The following PTPRK variants were observed in gnomAD, a reference collection of about 807,000 sequenced individuals.
The protein encoded by PTPRK is receptor-type tyrosine-protein phosphatase kappa.
A neutral mutation model predicts 178.0 loss-of-function variants in PTPRK; 75 were observed. The observed-to-expected ratio is 0.42, with a 90% CI of 0.35 to 0.51. The LOEUF is 0.51. Ranked by LOEUF, PTPRK falls within the 20% of genes least tolerant of loss-of-function variation. The pLI is 0.02. For synonymous variants in PTPRK, 637 were observed against 620.6 expected, an observed-to-expected ratio of 1.03 and a Z score of -0.39; for missense variants, 1,441 against 1,797.8, an observed-to-expected ratio of 0.80 and a Z score of 3.59.
chr6:128,463,271 A>T (rs1194388712), intron 1 of PTPRK, among the ~76,000 whole-genome samples: 2 of 152,148 alleles, frequency 1.3e-5, no homozygotes, highest in African/African-American at 4.8e-5. Context: ...TTTGTCCTAT[A>T]TTCTCTCTGC....
At chr6:128,393,973 G>A (rs1050828849) in intron 2 of PTPRK, among the ~76,000 whole-genome samples, 2 of 152,074 alleles carry the variant, frequency 1.3e-5, no homozygotes, top group African/African-American at 4.8e-5. Context: ...ATCATCACCA[G>A]CATCTGGAAG....
At chr6:128,404,663 T>C (rs1268318569) in intron 1 of PTPRK, among the ~76,000 whole-genome samples, 1 of 152,216 alleles carries the variant, frequency 6.6e-6, no homozygotes, top group Non-Finnish European at 1.5e-5. Flanking sequence ...CCAATAAGTA[T>C]GTGACTTCAT....
At chr6:128,420,035 G>A (rs1199585388) in intron 1 of PTPRK, among the ~76,000 whole-genome samples, 4 of 152,138 alleles carry the variant, frequency 2.6e-5, no homozygotes, top group Admixed American at 6.5e-5. Context: ...ATAATCATGC[G>A]TAACACTGAA....
chr6:128,168,645 T>C (rs947404891), intron 7 of PTPRK, among the ~76,000 whole-genome samples: 15 of 151,946 alleles, frequency 9.9e-5, no homozygotes, highest in South Asian at 4.1e-4. Flanking sequence ...TTTAAATAGG[T>C]TGTGTGCTCC....
intron 1 of PTPRK, among the ~76,000 whole-genome samples, chr6:128,401,154 G>A (rs1840962430): frequency 6.6e-6 from 1 of 152,040 alleles, no homozygotes; most frequent in South Asian, 2.1e-4. Context: ...TCACCGAAAT[G>A]GTCTGTTTCT....
chr6:128,293,852 C>A (rs1823808284), intron 3 of PTPRK, among the ~76,000 whole-genome samples: 1 of 151,986 alleles, frequency 6.6e-6, no homozygotes, highest in Non-Finnish European at 1.5e-5. Context: ...AATTCAGGTG[C>A]AAAAAGCACA....
rs528950495 is a variant in PTPRK, at chr6:128,480,939, G to A, written c.100+39320C>T. 4.6e-5 allele frequency among the ~76,000 whole-genome samples: 7 copies of A among 152,198 alleles called. 1 individual carries two copies. In the South Asian group the frequency reaches 1.2e-3, roughly 27 times the overall value. ...CCAAATTCACTTCTCTTTACCCAGT[G>A]CTATAATCCCTCTTCCTTAAGTCAT... On this transcript the variant is annotated intron_variant, in intron 1 of 29. Transcript: ENST00000368226.
rs1303321344 is a variant in PTPRK, at chr6:128,186,971, CTAATT to C, written c.869-2251_869-2247del. On this transcript the variant is annotated intron_variant, in intron 6 of 29. Transcript: ENST00000368226. ...TCATTCCAGATGGCTCATATACTAA[CTAATT>C]TAAGTTGGAAAGAATGCTAAATTCA... is the stretch of plus-strand genomic sequence containing the variant. Among the ~76,000 whole-genome samples the C allele has an allele frequency of 2.6e-5, 4 of 152,230 alleles. No homozygotes were observed. In the South Asian group the frequency reaches 8.3e-4, roughly 32 times the overall value.
intron 1 of PTPRK, among the ~76,000 whole-genome samples, chr6:128,470,908 T>C (rs1850562512): frequency 6.7e-6 from 1 of 149,424 alleles, no homozygotes; most frequent in Admixed American, 6.6e-5. Context: ...AATTTCTTTC[T>C]TCCTTTTTTT....
intron 3 of PTPRK, among the ~76,000 whole-genome samples, chr6:128,279,330 A>C (rs1821316718): frequency 6.6e-6 from 1 of 152,196 alleles, no homozygotes; most frequent in South Asian, 2.1e-4. Context: ...CAGCCCCTAG[A>C]TTAAGAGAAG....
At chr6:127,992,735 T>C in intron 18 of PTPRK, 26 bp from the exon 19 acceptor site, 1 of 1,521,346 alleles carries the variant, frequency 6.6e-7, no homozygotes, top group Non-Finnish European at 8.9e-7. Context: ...AAATTAGTTA[T>C]CATTTTACAT....
intron 6 of PTPRK, among the ~76,000 whole-genome samples, chr6:128,204,562 G>A (rs531293624): frequency 8.0e-5 from 12 of 150,920 alleles, no homozygotes; most frequent in South Asian, 2.1e-4. Flanking sequence ...GAACTTAAGC[G>A]AATTTACAAG....
intron 7 of PTPRK, among the ~76,000 whole-genome samples, chr6:128,115,147 C>T (rs1230717781): frequency 6.6e-6 from 1 of 152,064 alleles, no homozygotes; most frequent in Non-Finnish European, 1.5e-5. Flanking sequence ...CTGGACTGCA[C>T]CCAGCACCAT....
intron 7 of PTPRK, among the ~76,000 whole-genome samples, chr6:128,109,664 C>T (rs1337474384): frequency 6.6e-6 from 1 of 152,176 alleles, no homozygotes; most frequent in Non-Finnish European, 1.5e-5. Flanking sequence ...ATACCTAGAG[C>T]TCAGTGAACT....
chr6:128,362,959 C>T (rs2128343211), intron 2 of PTPRK, among the ~76,000 whole-genome samples: 1 of 152,156 alleles, frequency 6.6e-6, no homozygotes, highest in Admixed American at 6.5e-5. Flanking sequence ...GAAATAGGTC[C>T]TCATGAACTG....
At chr6:127,993,115 T>C (rs894361228) in intron 18 of PTPRK, among the ~76,000 whole-genome samples, 3 of 151,658 alleles carry the variant, frequency 2.0e-5, no homozygotes, top group Non-Finnish European at 4.4e-5. Context: ...CGAGGACATA[T>C]TAGAACCATA....
At position 127,976,759 on chromosome 6, in the gene PTPRK, C is replaced by T. The variant is rs199704388; in HGVS notation, c.3867G>A (p.Glu1289=). ...TGGGGCCATATCGTAGCATCCCTTCCTCTGGCCAGTACTGAGGGCAGCCCT... is the reference window on the plus strand; with the variant it reads ...TGGGGCCATATCGTAGCATCCCTTCTTCTGGCCAGTACTGAGGGCAGCCCT... ...LSQGCPQYWP[E]EGMLRYGPIQ... is the part of the protein sequence containing the mutation. Residue 1289 remains glutamate (E), a synonymous_variant, in exon 27 of 30, where the codon GAG becomes GAA. Coordinates refer to ENST00000368226, the MANE Select transcript of PTPRK (RefSeq NM_002844.4). 1.2e-6 allele frequency: 2 copies of T among 1,613,846 alleles called. No homozygotes were observed. The highest frequency in any genetic ancestry group is 2.2e-5 in the East Asian group (1 of 44,848).
chr6:128,296,680 A>AT (rs1434867375), intron 3 of PTPRK, among the ~76,000 whole-genome samples: 4 of 152,160 alleles, frequency 2.6e-5, no homozygotes. Flanking sequence ...ATGCTGAGAG[A>AT]TTTTGTCACC....
intron 13 of PTPRK, among the ~76,000 whole-genome samples, chr6:128,034,542 G>T (rs565740447): frequency 6.6e-6 from 1 of 152,096 alleles, no homozygotes; most frequent in African/African-American, 2.4e-5. Flanking sequence ...TTGGTTTAGG[G>T]ACTGATACAG....
Sources: allele counts gnomAD v4.1 joint callset (sites outside exome capture counted in the v4.1 genomes callset), GRCh38; gene constraint gnomAD v4.1.1; transcripts MANE v1.5; gene names NCBI Gene and HGNC (gene_info 2026-07-23, HGNC 2026-07-21).